IGF1R: variants seen among roughly 807,000 people sequenced by gnomAD.
IGF1R encodes the protein insulin like growth factor 1 receptor.
IGF1R carries 44 observed loss-of-function variants against 144.6 expected under a neutral mutation model. The ratio of observed to expected loss-of-function variants is 0.30; its 90% CI spans 0.24 to 0.39. The LOEUF (loss-of-function observed/expected upper bound fraction) is 0.39. IGF1R is among the 10% of genes least tolerant of loss of function. The pLI is 1.00. For missense variants in IGF1R, 1,355 were observed against 1,833.7 expected (o/e 0.74, Z 4.77); for synonymous variants, 795 against 722.8 (o/e 1.10, Z -1.60).
intron 1 of IGF1R, 24 bp downstream of exon 1, chr15:98,649,699 G>C (rs745977772): frequency 6.4e-7 from 1 of 1,558,256 alleles, no homozygotes; most frequent in South Asian, 1.1e-5. Flanking sequence ...CGCCGCCCGC[G>C]GCCACTGCGG....
chr15:98,781,310 G>A (rs912857456), intron 2 of IGF1R, among the ~76,000 whole-genome samples: 3 of 152,256 alleles, frequency 2.0e-5, no homozygotes, highest in Admixed American at 2.0e-4. Context: ...TAGTGAGGCA[G>A]GTTTAAAATT....
chr15:98,945,342 C>T (rs1364020015), intron 19 of IGF1R, among the ~76,000 whole-genome samples: 1 of 152,202 alleles, frequency 6.6e-6, no homozygotes, highest in Non-Finnish European at 1.5e-5. Context: ...TGGGCCATTG[C>T]TACCATCCCC....
At chr15:98,921,478 C>G (rs1186941082) in intron 10 of IGF1R, among the ~76,000 whole-genome samples, 2 of 152,112 alleles carry the variant, frequency 1.3e-5, no homozygotes, top group Non-Finnish European at 2.9e-5. Flanking sequence ...TTGATGAGGC[C>G]ACAGGTGCTC....
intron 2 of IGF1R, among the ~76,000 whole-genome samples, chr15:98,868,950 C>G (rs567694550): frequency 1.3e-5 from 2 of 152,270 alleles, no homozygotes; most frequent in African/African-American, 4.8e-5. Context: ...CAAGTGTTAC[C>G]TGTGAGAGAG....
At chr15:98,790,192 T>G (rs901805318) in intron 2 of IGF1R, among the ~76,000 whole-genome samples, 1 of 152,126 alleles carries the variant, frequency 6.6e-6, no homozygotes, top group Non-Finnish European at 1.5e-5. Context: ...TCTGGCATTT[T>G]GGGGTACTAT....
In IGF1R at chr15:98,957,625, T is replaced by C. The variant is rs1264453829; in HGVS notation, c.*183T>C. 1 of 706,366 alleles carries C rather than the reference T, an allele frequency of 1.4e-6. No individual in the cohort carries two copies. The highest frequency in any genetic ancestry group is 1.8e-5 in the African/African-American group (1 of 56,146). 43.8% of individuals were successfully genotyped at this position (706,366 alleles called of 1,614,324 possible). ...AAAACACATTTGGGATGTTCCTTTT[T>C]TCAATATGCAAGCAGCTTTTTATTC... On this transcript the variant is annotated 3_prime_UTR_variant, in exon 21 of 21. Coordinates refer to ENST00000650285, the MANE Select transcript of IGF1R (RefSeq NM_000875.5).
intron 2 of IGF1R, among the ~76,000 whole-genome samples, chr15:98,784,880 T>G (rs1318553296): frequency 1.3e-5 from 2 of 152,212 alleles, no homozygotes; most frequent in Non-Finnish European, 2.9e-5. Flanking sequence ...TGCAGAGACT[T>G]GAGCATCCAA....
At position 98,710,599 on chromosome 15, in the gene IGF1R, T is replaced by C. The variant is rs188349807; in HGVS notation, c.640+2492T>C. 1.1e-4 allele frequency among the ~76,000 whole-genome samples: 16 copies of C among 152,262 alleles called. No individual in the cohort carries two copies. In the South Asian group the frequency reaches 1.9e-3, roughly 18 times the overall value. The stretch of plus-strand genomic sequence containing the variant: ...ACTATGTTGATAACATGTTGAAATA[T>C]AACATTTTGGATATATTAGATTAAG... On this transcript the variant is annotated intron_variant, in intron 2 of 20. Coordinates refer to ENST00000650285, the MANE Select transcript of IGF1R (RefSeq NM_000875.5).
At chr15:98,924,897 G>A (rs2015648499) in intron 13 of IGF1R, among the ~76,000 whole-genome samples, 1 of 151,862 alleles carries the variant, frequency 6.6e-6, no homozygotes, top group East Asian at 1.9e-4. Context: ...TACCTCATGT[G>A]GCAGGAAGGG....
At chr15:98,842,090 A>G (rs1051246390) in intron 2 of IGF1R, among the ~76,000 whole-genome samples, 8 of 152,198 alleles carry the variant, frequency 5.3e-5, no homozygotes, top group African/African-American at 1.7e-4. Flanking sequence ...CCCTGATGTA[A>G]TAACGAAGAT....
intron 2 of IGF1R, among the ~76,000 whole-genome samples, chr15:98,763,959 G>A (rs1446361340): frequency 6.6e-6 from 1 of 152,198 alleles, no homozygotes; most frequent in Non-Finnish European, 1.5e-5. Context: ...TTAGGAGGGG[G>A]CTGTGCTTTG....
At chr15:98,689,573 G>A (rs1053828343) in intron 1 of IGF1R, among the ~76,000 whole-genome samples, 8 of 151,920 alleles carry the variant, frequency 5.3e-5, no homozygotes, top group African/African-American at 1.9e-4. Context: ...AGGATCCAGG[G>A]GTTTGTCATA....
chr15:98,858,680 C>T (rs558936723), intron 2 of IGF1R, among the ~76,000 whole-genome samples: 9 of 152,344 alleles, frequency 5.9e-5, no homozygotes, highest in African/African-American at 2.2e-4. Context: ...TGGACGAGGT[C>T]TCGCCTGGGC....
At chr15:98,836,736 C>G (rs1318693512) in intron 2 of IGF1R, among the ~76,000 whole-genome samples, 1 of 152,198 alleles carries the variant, frequency 6.6e-6, no homozygotes, top group Non-Finnish European at 1.5e-5. Context: ...CTAGTCTTCT[C>G]CAGTCTGTAA....
intron 2 of IGF1R, among the ~76,000 whole-genome samples, chr15:98,782,532 C>CT (rs2055884070): frequency 6.6e-6 from 1 of 151,996 alleles, no homozygotes; most frequent in Non-Finnish European, 1.5e-5. Context: ...TGTTCTGTAT[C>CT]TTTTTTCAGC....
At chr15:98,889,958 A>G (rs1006987735) in intron 2 of IGF1R, among the ~76,000 whole-genome samples, 1 of 152,250 alleles carries the variant, frequency 6.6e-6, no homozygotes, top group Non-Finnish European at 1.5e-5. Flanking sequence ...TTTAGACTTA[A>G]TTTACAAGTA....
At chr15:98,933,368 G>C (rs756020432) in intron 15 of IGF1R, among the ~76,000 whole-genome samples, 5 of 151,962 alleles carry the variant, frequency 3.3e-5, no homozygotes, top group Non-Finnish European at 7.4e-5. Flanking sequence ...TTTTGAGACA[G>C]GTTCTCACTC....
chr15:98,653,859 A>C (rs551084493), intron 1 of IGF1R, among the ~76,000 whole-genome samples: 7 of 152,352 alleles, frequency 4.6e-5, no homozygotes, highest in Admixed American at 2.0e-4. Context: ...TTTTGCCAAG[A>C]GGAACCCTCA....
At chr15:98,754,923 A>G (rs987072681) in intron 2 of IGF1R, among the ~76,000 whole-genome samples, 1 of 152,200 alleles carries the variant, frequency 6.6e-6, no homozygotes, top group Non-Finnish European at 1.5e-5. Flanking sequence ...CCTTCCCAAG[A>G]AACAATACGC....
Sources: allele counts gnomAD v4.1 joint callset (sites outside exome capture counted in the v4.1 genomes callset), GRCh38; gene constraint gnomAD v4.1.1; transcripts MANE v1.5; gene names NCBI Gene and HGNC (gene_info 2026-07-23, HGNC 2026-07-21).